The following CFAP54 variants were observed in gnomAD, a reference collection of about 807,000 sequenced individuals.
CFAP54 encodes cilia and flagella associated protein 54.
CFAP54 carries 290 observed loss-of-function variants against 370.4 expected under a neutral mutation model. The observed-to-expected ratio is 0.78, with a 90% CI of 0.71 to 0.86. The LOEUF is 0.86. Ranked by LOEUF, CFAP54 falls within the 40% of genes least tolerant of loss-of-function variation. CFAP54 has a pLI of 0.00. For missense variants in CFAP54, 3,399 were observed against 3,528.7 expected, an observed-to-expected ratio of 0.96 and a Z score of 0.93; for synonymous variants, 1,206 against 1,236.5, an observed-to-expected ratio of 0.98 and a Z score of 0.52.
intron 48 of CFAP54, among the ~76,000 whole-genome samples, chr12:96,715,361 C>T (rs11108648): frequency 0.072 from 10,950 of 152,002 alleles, 801 homozygotes; most frequent in East Asian, 0.44. Context: ...TGGGGATTGA[C>T]TAGGTGGGTG....
In CFAP54 at chr12:96,722,096, T is replaced by A. The variant is rs76720644; in HGVS notation, c.6965+1531T>A. On this transcript the variant is annotated intron_variant, in intron 50 of 67. Transcript: ENST00000524981. ...TAGTGGAAAGTTCAAACCATGTAAG[T>A]CCTGGCCCATGTGCAGGAACTCTTA... Among the ~76,000 whole-genome samples, 781 of 152,244 alleles carry A rather than the reference T, an allele frequency of 5.1e-3. 7 individuals are homozygous for A. The highest frequency in any genetic ancestry group is 0.018 in the African/African-American group (741 of 41,542).
At chr12:96,597,239 T>C (rs1956189952) in intron 25 of CFAP54, among the ~76,000 whole-genome samples, 1 of 152,080 alleles carries the variant, frequency 6.6e-6, no homozygotes, top group African/African-American at 2.4e-5. Context: ...GTTAGTAATT[T>C]ATCTTATAGA....
chr12:96,644,562 A>G (rs941206241), intron 33 of CFAP54, among the ~76,000 whole-genome samples, 154 bp downstream of exon 33: 9 of 152,198 alleles, frequency 5.9e-5, no homozygotes, highest in Admixed American at 2.0e-4. Flanking sequence ...TCACACTGCT[A>G]TAAAGAACTT....
chr12:96,658,618 T>A (rs541659006), intron 38 of CFAP54, among the ~76,000 whole-genome samples: 59 of 95,802 alleles, frequency 6.2e-4, no homozygotes, highest in African/African-American at 1.8e-3. Flanking sequence ...CCAGAGTACT[T>A]TTTTTTTTTG....
chr12:96,521,548 G>GCA (rs1491419603), intron 6 of CFAP54, among the ~76,000 whole-genome samples: 8 of 31,184 alleles, frequency 2.6e-4, no homozygotes, highest in African/African-American at 1.6e-3. Context: ...GTGTGTGTGT[G>GCA]CGCGTGCGCA....
chr12:96,862,107 A>T (rs74970400), intron 67 of CFAP54, among the ~76,000 whole-genome samples: 145 of 152,316 alleles, frequency 9.5e-4, no homozygotes, highest in Non-Finnish European at 1.6e-3. Flanking sequence ...AAAAAGTAGA[A>T]ATTTTATGTT....
At chr12:96,635,577 A>G (rs141251694) in intron 32 of CFAP54, among the ~76,000 whole-genome samples, 20 of 152,282 alleles carry the variant, frequency 1.3e-4, no homozygotes, top group Admixed American at 3.3e-4. Context: ...AAATGCTGAC[A>G]CTGTCGACAT....
chr12:96,600,178 A>C (rs912804748), intron 26 of CFAP54, among the ~76,000 whole-genome samples: 3 of 152,034 alleles, frequency 2.0e-5, no homozygotes, highest in African/African-American at 7.3e-5. Context: ...TTTTTGTGTA[A>C]GGTGTAAGGA....
intron 33 of CFAP54, among the ~76,000 whole-genome samples, chr12:96,644,895 C>G (rs1336769788): frequency 3.9e-5 from 6 of 152,078 alleles, no homozygotes; most frequent in Non-Finnish European, 7.4e-5. Flanking sequence ...TATCACTAAC[C>G]ATTGGTTTAT....
intron 39 of CFAP54, among the ~76,000 whole-genome samples, chr12:96,678,130 C>T (rs992956031): frequency 6.6e-6 from 1 of 152,220 alleles, no homozygotes; most frequent in Non-Finnish European, 1.5e-5. Context: ...GTTCATACCC[C>T]TCAACTTCAC....
chr12:96,512,532 G>A (rs575177545), intron 4 of CFAP54, among the ~76,000 whole-genome samples: 2 of 151,582 alleles, frequency 1.3e-5, no homozygotes, highest in East Asian at 1.9e-4. Flanking sequence ...TAGTAGAAAC[G>A]GGGTTTTACC....
chr12:96,501,059 A>G (rs1955020321), intron 2 of CFAP54, 120 bp downstream of exon 2: 1 of 560,130 alleles, frequency 1.8e-6, no homozygotes, highest in Non-Finnish European at 2.9e-6. Flanking sequence ...AAAAAAATAA[A>G]TGAGTACATA....
chr12:96,703,799 G>A (rs888103811), intron 46 of CFAP54, among the ~76,000 whole-genome samples: 4 of 152,090 alleles, frequency 2.6e-5, no homozygotes, highest in African/African-American at 7.2e-5. Flanking sequence ...ATACAATGTG[G>A]GTGGGAGTGT....
chr12:96,503,058 T>TTC (rs1314428136), intron 2 of CFAP54, among the ~76,000 whole-genome samples: 25 of 127,270 alleles, frequency 2.0e-4, no homozygotes, highest in African/African-American at 7.2e-4. Flanking sequence ...CTCCCTTCCT[T>TTC]TCTCTCTCTC....
chr12:96,697,782 A>G (rs541280866), intron 45 of CFAP54, among the ~76,000 whole-genome samples: 1 of 152,316 alleles, frequency 6.6e-6, no homozygotes, highest in Admixed American at 6.5e-5. Context: ...TAGCTTTCAC[A>G]ATTTAAGTCA....
chr12:96,800,702 G>A (rs1396213783), intron 63 of CFAP54, among the ~76,000 whole-genome samples: 1 of 152,122 alleles, frequency 6.6e-6, no homozygotes, highest in South Asian at 2.1e-4. Context: ...TGAATAACTG[G>A]CTGAAGCTCG....
At chr12:96,720,771 C>T (rs10777806) in intron 50 of CFAP54, among the ~76,000 whole-genome samples, 14,278 of 152,102 alleles carry the variant, frequency 0.094, 1,195 homozygotes, top group East Asian at 0.44. Context: ...CCTGTAATCC[C>T]AGCACTTTGG....
Position 96,535,667 on chromosome 12 carries a change from G to A in CFAP54, c.1791+67G>A, listed in dbSNP as rs892713226. On this transcript the variant is annotated intron_variant, in intron 12 of 67. Coordinates refer to ENST00000524981, the MANE Select transcript of CFAP54 (RefSeq NM_001306084.2). The stretch of plus-strand genomic sequence containing the variant: ...AGGTTTTTGTGCCTAACTTAAGGCC[G>A]AATTTAAAATATCACAGGAATTACG... The A allele has an allele frequency of 3.9e-5, 40 of 1,013,122 alleles. 1 individual carries two copies. The highest frequency in any genetic ancestry group is 1.9e-4 in the African/African-American group (12 of 61,766). 62.8% of individuals were successfully genotyped at this position (1,013,122 alleles called of 1,614,324 possible).
Position 96,564,733 on chromosome 12 carries a change from G to A in CFAP54, c.2587G>A (p.Ala863Thr), listed in dbSNP as rs1302087149. The part of the protein sequence containing the change: ...QKALLIFEKD[A>T]TSTSSWELLM... ...AGCTCTTTTAATATTCGAGAAAGAT[G>A]CAACTTCTACATCTTCATGGGAACT... Residue 863 changes from alanine to threonine, a missense_variant, in exon 19 of 68, where the codon GCA becomes ACA. By Grantham distance (58) the Ala-to-Thr change is moderately conservative. Around this residue, in one of 3 missense-constraint regions of CFAP54, gnomAD observed 2,796 missense variants for 2,869.7 expected, o/e 0.97. Transcript: ENST00000524981. 1.6e-6 allele frequency: 1 copy of A among 626,970 alleles called. No homozygotes were observed. The highest frequency in any genetic ancestry group is 1.9e-5 in the South Asian group (1 of 51,942). The allele number at this position is 626,970 out of a possible 1,614,324, so 38.8% of individuals were successfully genotyped here. A position where few individuals can be genotyped will look rare whatever the true frequency, so the allele number is the denominator to read the frequency against.
Sources: gnomAD v4.1 joint callset for allele counts (sites outside exome capture counted in the v4.1 genomes callset) on GRCh38, gnomAD v4.1.1 for gene constraint, gnomAD v4.1.1 regional missense constraint, MANE v1.5 for transcripts, NCBI Gene and HGNC (gene_info 2026-07-23, HGNC 2026-07-21) for gene names.